Variants in CDH18 observed in about 807,000 individuals in gnomAD.
CDH18 encodes the protein cadherin-18.
A neutral mutation model predicts 67.9 loss-of-function variants in CDH18; 31 were observed. The observed-to-expected ratio is 0.46, with a 90% CI of 0.34 to 0.62. The LOEUF (loss-of-function observed/expected upper bound fraction) is 0.62, where lower values mean the gene tolerates loss of function less well. Ranked by LOEUF, CDH18 falls within the 20% of genes least tolerant of loss-of-function variation. CDH18 has a pLI of 0.01. For synonymous variants in CDH18, 362 were observed against 347.2 expected, an observed-to-expected ratio of 1.04 and a Z score of -0.48; for missense variants, 890 against 975.5, an observed-to-expected ratio of 0.91 and a Z score of 1.17.
chr5:20,143,671 G>A (rs1422159686), intron 2 of CDH18, among the ~76,000 whole-genome samples: 2 of 152,172 alleles, frequency 1.3e-5, no homozygotes, highest in Non-Finnish European at 2.9e-5. Flanking sequence ...ATCTGGCCTA[G>A]ATGAGATTTC....
intron 1 of CDH18, among the ~76,000 whole-genome samples, chr5:20,498,273 C>A (rs1313059566): frequency 6.6e-6 from 1 of 152,036 alleles, no homozygotes; most frequent in Admixed American, 6.6e-5. Flanking sequence ...CTTCCTCTTG[C>A]ATATGCACAT....
In CDH18 at chr5:19,874,325, G is replaced by A. The variant is rs567639803; in HGVS notation, c.-256-35083C>T. ...CATTTTATTACATCTGATTCTAATC[G>A]CTTATTTAAGTTATCTGCCTGACTC... On this transcript the variant is annotated intron_variant, in intron 2 of 12. Coordinates refer to ENST00000382275, the MANE Select transcript of CDH18 (RefSeq NM_004934.5). Among the ~76,000 whole-genome samples, 11 of 152,108 alleles carry A rather than the reference G, an allele frequency of 7.2e-5. No homozygotes were observed. In the East Asian group the frequency reaches 1.6e-3, roughly 21 times the overall value.
intron 3 of CDH18, among the ~76,000 whole-genome samples, chr5:19,786,844 G>C (rs187784081): frequency 1.4e-3 from 212 of 152,096 alleles, no homozygotes; most frequent in African/African-American, 4.7e-3. Context: ...AGGCATGGCT[G>C]GGGGGGTGTT....
At chr5:19,717,963 C>T (rs1765540861) in intron 5 of CDH18, among the ~76,000 whole-genome samples, 1 of 151,878 alleles carries the variant, frequency 6.6e-6, no homozygotes, top group Admixed American at 6.6e-5. Context: ...CATAAAATTA[C>T]CTTAACGAAA....
chr5:20,031,458 C>A (rs1739393387), intron 2 of CDH18, among the ~76,000 whole-genome samples: 1 of 151,928 alleles, frequency 6.6e-6, no homozygotes. Context: ...TGACCTCATG[C>A]AATTTCTGAG....
At chr5:20,021,093 G>A (rs1480989581) in intron 2 of CDH18, among the ~76,000 whole-genome samples, 2 of 151,948 alleles carry the variant, frequency 1.3e-5, no homozygotes, top group Non-Finnish European at 1.5e-5. Flanking sequence ...AAGATTTAAC[G>A]ACTGCCCTAC....
chr5:20,547,965 A>G (rs1157396910), intron 1 of CDH18, among the ~76,000 whole-genome samples: 1 of 151,958 alleles, frequency 6.6e-6, no homozygotes, highest in African/African-American at 2.4e-5. Flanking sequence ...AATCTTATAT[A>G]TATTTGAATA....
chr5:20,487,587 G>A (rs1045297278), intron 1 of CDH18, among the ~76,000 whole-genome samples: 2 of 150,528 alleles, frequency 1.3e-5, no homozygotes, highest in South Asian at 4.2e-4. Context: ...CACATTTGGG[G>A]GTTTGCTATA....
chr5:19,750,769 C>G (rs1186819375), intron 3 of CDH18, among the ~76,000 whole-genome samples: 1 of 145,008 alleles, frequency 6.9e-6, no homozygotes. Flanking sequence ...AGCCCCCCCC[C>G]CCCCACTTTT....
intron 6 of CDH18, among the ~76,000 whole-genome samples, chr5:19,594,145 T>C (rs1745783221): frequency 6.6e-6 from 1 of 152,030 alleles, no homozygotes; most frequent in Non-Finnish European, 1.5e-5. Context: ...CAATGCATTT[T>C]TTTGTTTGTT....
rs532068736 is a variant in CDH18 at position 20,005,944 on chromosome 5, A to G, written c.-517-13930T>C. On this transcript the variant is annotated intron_variant, in intron 2 of 14. Coordinates refer to the CDH18 transcript ENST00000507958. ...ATTTGGAGATTGTCCTTTGAGTAAC[A>G]ATTTGAAAGAGATAGAATTCCTTAT... Among the ~76,000 whole-genome samples, 3 of 152,082 alleles carry G rather than the reference A, an allele frequency of 2.0e-5. No homozygotes were observed. The East Asian group carries it at 5.8e-4, about 29-fold the overall frequency.
At chr5:19,945,955 A>G (rs1795242920) in intron 2 of CDH18, among the ~76,000 whole-genome samples, 1 of 152,166 alleles carries the variant, frequency 6.6e-6, no homozygotes, top group Non-Finnish European at 1.5e-5. Context: ...AAATTACTCA[A>G]AGAAATAATT....
chr5:19,771,207 C>T (rs1773688881), intron 3 of CDH18, among the ~76,000 whole-genome samples: 2 of 152,256 alleles, frequency 1.3e-5, no homozygotes, highest in South Asian at 2.1e-4. Context: ...TGTGTAATGT[C>T]GTCTTTTTGA....
At chr5:20,323,647 G>T (rs1738250204) in intron 1 of CDH18, among the ~76,000 whole-genome samples, 1 of 152,166 alleles carries the variant, frequency 6.6e-6, no homozygotes, top group Non-Finnish European at 1.5e-5. Flanking sequence ...TATCCAGAGA[G>T]AAGTTCTTTT....
chr5:20,457,135 G>A (rs1750889610), intron 1 of CDH18, among the ~76,000 whole-genome samples: 2 of 152,084 alleles, frequency 1.3e-5, no homozygotes, highest in African/African-American at 4.8e-5. Flanking sequence ...CTATAAAGTT[G>A]GATCTCAGAG....
At chr5:20,359,757 C>G (rs902173205) in intron 1 of CDH18, among the ~76,000 whole-genome samples, 1 of 151,718 alleles carries the variant, frequency 6.6e-6, no homozygotes, top group African/African-American at 2.4e-5. Flanking sequence ...CATGTGTTAT[C>G]ATAATGCTTA....
At chr5:19,910,467 T>C (rs1791009456) in intron 2 of CDH18, among the ~76,000 whole-genome samples, 1 of 152,178 alleles carries the variant, frequency 6.6e-6, no homozygotes, top group Non-Finnish European at 1.5e-5. Context: ...TTTAGCTCTA[T>C]TCAGTTGTAC....
chr5:19,881,718 C>T (rs143974240), intron 2 of CDH18, among the ~76,000 whole-genome samples: 1,946 of 152,098 alleles, frequency 0.013, 37 homozygotes, highest in African/African-American at 0.045. Flanking sequence ...GTTGGCCAGA[C>T]TGGTCTCGTA....
chr5:19,599,288 A>G (rs1439392620), intron 6 of CDH18, among the ~76,000 whole-genome samples: 1 of 152,132 alleles, frequency 6.6e-6, no homozygotes, highest in Non-Finnish European at 1.5e-5. Context: ...TAATGAAGAA[A>G]TTGATGTAAA....
Sources: allele counts gnomAD v4.1 joint callset (sites outside exome capture counted in the v4.1 genomes callset), GRCh38; gene constraint gnomAD v4.1.1; transcripts MANE v1.5; gene names NCBI Gene and HGNC (gene_info 2026-07-23, HGNC 2026-07-21).